The following ASNS variants were observed in gnomAD, a reference collection of about 807,000 sequenced individuals.
ASNS encodes asparagine synthetase (glutamine-hydrolyzing), also known as asparagine synthetase [glutamine-hydrolyzing].
Under a neutral mutation model 62.6 loss-of-function variants are expected in ASNS, and 37 were observed. The observed-to-expected ratio is 0.59, with a 90% CI of 0.45 to 0.78. The LOEUF (loss-of-function observed/expected upper bound fraction) is 0.78, where lower values mean the gene tolerates loss of function less well. Among genes scored for constraint, ASNS ranks in the 30% least tolerant of loss-of-function variants. The pLI is 0.00. For synonymous variants in ASNS, 207 were observed against 237.9 expected, an observed-to-expected ratio of 0.87 and a Z score of 1.19; for missense variants, 520 against 682.4, an observed-to-expected ratio of 0.76 and a Z score of 2.65.
At chr7:97,857,616 T>TAAA (rs566620938) in intron 7 of ASNS, among the ~76,000 whole-genome samples, 27 of 116,124 alleles carry the variant, frequency 2.3e-4, no homozygotes, top group East Asian at 7.5e-4. Flanking sequence ...CCTTTACGTT[T>TAAA]AAAAAAAAAA....
chr7:97,920,294 A>G, the ASNS span, among the ~76,000 whole-genome samples: 29 of 152,050 alleles, frequency 1.9e-4, no homozygotes, highest in African/African-American at 7.0e-4. Context: ...GTGAGCCACC[A>G]TGCCTGGCCC....
chr7:97,915,372 T>C, the ASNS span, among the ~76,000 whole-genome samples: 9 of 152,272 alleles, frequency 5.9e-5, no homozygotes, highest in Admixed American at 5.9e-4. Context: ...ACAATGTTCC[T>C]GAGCCTCAAC....
the ASNS span, among the ~76,000 whole-genome samples, chr7:97,903,722 A>C: frequency 1.3e-5 from 2 of 152,204 alleles, no homozygotes; most frequent in Non-Finnish European, 2.9e-5. Flanking sequence ...ACACATATTG[A>C]TCAGCATTTT....
At chr7:97,915,930 TC>T in the ASNS span, among the ~76,000 whole-genome samples, 1 of 152,136 alleles carries the variant, frequency 6.6e-6, no homozygotes, top group African/African-American at 2.4e-5. Flanking sequence ...ATGAGGCTCT[TC>T]GGTGGTATTT....
the ASNS span, chr7:97,886,060 A>T: frequency 3.5e-6 from 2 of 571,420 alleles, no homozygotes; most frequent in Non-Finnish European, 6.6e-6. Context: ...GCCCAGAATG[A>T]CTCAACCAGA....
chr7:97,873,926 G>C (rs1343241941), upstream of ASNS, among the ~76,000 whole-genome samples: 1 of 152,080 alleles, frequency 6.6e-6, no homozygotes, highest in East Asian at 1.9e-4. Flanking sequence ...AGATGCAAAA[G>C]GTGAAATTAA....
chr7:97,868,889 C>T lies in ASNS; in HGVS notation c.249+19G>A. 2 of 1,611,478 alleles carry T rather than the reference C, an allele frequency of 1.2e-6. No homozygotes were observed. Among genetic ancestry groups the T allele is most frequent in the Non-Finnish European group, 8.5e-7 (1 of 1,178,890 alleles). ...CTGAAGTTTAATCGCATCCAGACAT[C>T]TGGTTTCTTTCTCCTCACCTTCTTA... On this transcript the variant is annotated intron_variant, in intron 3 of 12. Coordinates refer to ENST00000394308, the MANE Select transcript of ASNS (RefSeq NM_001673.5).
chr7:97,893,663 A>G, the ASNS span, among the ~76,000 whole-genome samples: 1 of 152,292 alleles, frequency 6.6e-6, no homozygotes, highest in African/African-American at 2.4e-5. Flanking sequence ...GGATCAATTC[A>G]GCAACAAAGT....
chr7:97,857,632 A>C (rs974581894), intron 7 of ASNS, among the ~76,000 whole-genome samples: 3 of 150,712 alleles, frequency 2.0e-5, no homozygotes, highest in Non-Finnish European at 4.4e-5. Context: ...AAAAAAAAAA[A>C]AAAAACGAAC....
the ASNS span, among the ~76,000 whole-genome samples, chr7:97,896,741 C>CACACACACACATATATATAT: frequency 2.0e-4 from 4 of 19,782 alleles, no homozygotes; most frequent in African/African-American, 4.4e-4. Context: ...CACACACACA[C>CACACACACACATATATATAT]ATATATATAT....
chr7:97,888,328 T>A, the ASNS span, among the ~76,000 whole-genome samples: 2 of 130,972 alleles, frequency 1.5e-5, no homozygotes, highest in Non-Finnish European at 3.2e-5. Context: ...GTTGCTTTCT[T>A]TTTTTTTTTT....
Position 97,852,146 on chromosome 7 carries a change from AT to A in ASNS, c.*112del. 1.4e-5 allele frequency: 17 copies of A among 1,221,040 alleles called. 3 individuals are homozygous for A. In the South Asian group the frequency reaches 2.3e-4, roughly 17 times the overall value. 75.6% of individuals were successfully genotyped at this position (1,221,040 alleles called of 1,614,324 possible). ...GCAATGGTTTAGATTTAGGACTTTT[AT>A]TTTTTTCACACCCAAGTTAGCCTGA... On this transcript the variant is annotated 3_prime_UTR_variant, in exon 13 of 13. Transcript: ENST00000394308.
At chr7:97,904,011 G>A in the ASNS span, among the ~76,000 whole-genome samples, 8 of 152,066 alleles carry the variant, frequency 5.3e-5, no homozygotes, top group Non-Finnish European at 1.2e-4. Flanking sequence ...TGGCTGCACC[G>A]TTTAATCAAT....
chr7:97,924,810 T>C, the ASNS span, among the ~76,000 whole-genome samples: 1 of 152,246 alleles, frequency 6.6e-6, no homozygotes, highest in South Asian at 2.1e-4. Flanking sequence ...TAAAAAGATA[T>C]TGCCCAAGTA....
At chr7:97,866,090 T>C (rs1398383322) in intron 3 of ASNS, among the ~76,000 whole-genome samples, 2 of 152,170 alleles carry the variant, frequency 1.3e-5, no homozygotes, top group Non-Finnish European at 2.9e-5. Flanking sequence ...GTTAAGATAA[T>C]AGGTTGCCTG....
the ASNS span, among the ~76,000 whole-genome samples, chr7:97,920,011 C>CTTT: frequency 4.5e-4 from 65 of 143,224 alleles, no homozygotes; most frequent in African/African-American, 1.4e-3. Context: ...CTTGTCCTGA[C>CTTT]TTTTTTTTTT....
At chr7:97,899,545 T>C in the ASNS span, among the ~76,000 whole-genome samples, 2 of 152,192 alleles carry the variant, frequency 1.3e-5, no homozygotes, top group African/African-American at 4.8e-5. Flanking sequence ...ACATTACCAG[T>C]CAATTTTAGA....
the ASNS span, among the ~76,000 whole-genome samples, chr7:97,892,802 T>G: frequency 6.6e-6 from 1 of 152,198 alleles, no homozygotes; most frequent in Non-Finnish European, 1.5e-5. Context: ...CATATAACCA[T>G]CAGCATTTTG....
Position 97,869,087 on chromosome 7 carries a change from T to A in ASNS, c.70A>T (p.Ile24Phe). The A allele has an allele frequency of 1.2e-6, 2 of 1,614,194 alleles. No individual in the cohort carries two copies. The highest frequency in any genetic ancestry group is 1.7e-6 in the Non-Finnish European group (2 of 1,180,032). The change falls in exon 3 of 13, where the codon ATT becomes TTT. Residue 24 changes from isoleucine (I) to phenylalanine (F), a missense_variant. By Grantham distance (21) the Ile-to-Phe change is conservative. Transcript: ENST00000394308. ...AATGCATCTGGACCTCTGTGTGCAA[T>A]CTTCATAGCACTCAGACACTGAACA... ...LSVQCLSAMKIAHRGPDAFRF... is the reference protein window; with the variant it reads ...LSVQCLSAMKFAHRGPDAFRF...
Sources: gnomAD v4.1 joint callset for allele counts (sites outside exome capture counted in the v4.1 genomes callset) on GRCh38, gnomAD v4.1.1 for gene constraint, MANE v1.5 for transcripts, NCBI Gene and HGNC (gene_info 2026-07-23, HGNC 2026-07-21) for gene names.